The following GUF1 variants were observed in gnomAD, a reference collection of about 807,000 sequenced individuals.
GUF1 encodes the protein GTP binding elongation factor GUF1.
Under a neutral mutation model 82.4 loss-of-function variants are expected in GUF1, and 78 were observed. The ratio of observed to expected loss-of-function variants is 0.95; its 90% CI spans 0.79 to 1.14. The LOEUF is 1.14. Among genes scored for constraint, GUF1 ranks in the 50% most tolerant of loss-of-function variants. The pLI, the probability that GUF1 is intolerant of heterozygous loss-of-function variation, is 0.00. For synonymous variants in GUF1, 279 were observed against 282.3 expected (o/e 0.99, Z 0.12); for missense variants, 814 against 798.2 (o/e 1.02, Z -0.24).
intron 8 of GUF1, 88 bp downstream of exon 8, chr4:44,686,801 C>A: frequency 1.2e-6 from 1 of 868,078 alleles, no homozygotes. Flanking sequence ...TTAGAATGAT[C>A]CTCATTTGGT....
chr4:44,679,784 A>G lies in GUF1; in HGVS notation c.166-657A>G, dbSNP rs908078881. On this transcript the variant is annotated intron_variant, in intron 1 of 16. Transcript: ENST00000281543. Reference sequence around the variant, plus strand: ...ATTGGAAAAAAATAGAGTACAAAAAACTGGTATATTTTGCTTGATAACAAT... The same window carrying G: ...ATTGGAAAAAAATAGAGTACAAAAAGCTGGTATATTTTGCTTGATAACAAT... Among the ~76,000 whole-genome samples, 12 of 149,594 alleles carry G rather than the reference A, an allele frequency of 8.0e-5. No individual in the cohort carries two copies. In the East Asian group the frequency reaches 9.8e-4, roughly 12 times the overall value.
intron 15 of GUF1, among the ~76,000 whole-genome samples, chr4:44,696,729 T>C (rs373193613): frequency 7.9e-5 from 12 of 152,230 alleles, no homozygotes; most frequent in African/African-American, 2.7e-4. Flanking sequence ...TTCTGTGTTT[T>C]GTAAATACTG....
rs1318973625 is a variant in GUF1 at position 44,686,539 on chromosome 4, G to C, written c.764G>C (p.Arg255Thr). 6.2e-7 allele frequency: 1 copy of C among 1,611,782 alleles called. No homozygotes were observed. Among genetic ancestry groups the C allele is most frequent in the East Asian group, 2.2e-5 (1 of 44,764 alleles). The change falls in exon 8 of 17, where the codon AGA becomes ACA. Residue 255 changes from arginine (R) to threonine (T), a missense_variant. Physicochemically the swap from Arg to Thr is moderately conservative, Grantham distance 71. Transcript: ENST00000281543. ...AAAGTGCATCGCAAAAATCCTCTGAGAGCTTTGGTATTTGACTCCACCTTT... is the reference window on the plus strand; with the variant it reads ...AAAGTGCATCGCAAAAATCCTCTGACAGCTTTGGTATTTGACTCCACCTTT... ...PPKVHRKNPL[R>T]ALVFDSTFDQ...
chr4:44,688,097 A>C lies in GUF1; in HGVS notation c.1029A>C (p.Pro343=), dbSNP rs767633621. Residue 343 remains proline (P), a synonymous_variant, in exon 9 of 17, where the codon CCA becomes CCC. Coordinates refer to ENST00000281543, the MANE Select transcript of GUF1 (RefSeq NM_021927.3). The part of the protein sequence containing the change: ...IGDTLCLHKQ[P]VEPLPGFKSA... ...ATACATTATGTTTACATAAGCAACC[A>C]GTGGAGCCCTTGCCTGGGTTTAAAT... 3 of 1,612,378 alleles carry C rather than the reference A, an allele frequency of 1.9e-6. No individual in the cohort carries two copies. The Admixed American group carries it at 5.0e-5, about 27-fold the overall frequency.
At chr4:44,694,630 C>G (rs763119358) in intron 14 of GUF1, 117 bp downstream of exon 14, 1 of 637,800 alleles carries the variant, frequency 1.6e-6, no homozygotes, top group Non-Finnish European at 2.7e-6. Flanking sequence ...ATAGAGTTCA[C>G]CCTACTAACT....
Position 44,690,870 on chromosome 4 carries a change from T to C in GUF1, c.1479+10T>C. ...AATGATGCTTTGCGAGGTATAACTATAATACAATTTAATACAAAATTAGGT... is the reference window on the plus strand; with the variant it reads ...AATGATGCTTTGCGAGGTATAACTACAATACAATTTAATACAAAATTAGGT... On this transcript the variant is annotated intron_variant, in intron 12 of 16. Transcript: ENST00000281543. 2 of 1,557,006 alleles carry C rather than the reference T, an allele frequency of 1.3e-6. No individual in the cohort carries two copies. Among genetic ancestry groups the C allele is most frequent in the South Asian group, 2.4e-5 (2 of 82,714 alleles).
In GUF1 at chr4:44,699,577, G is replaced by GC. The variant is rs1225200852; in HGVS notation, c.*900dup. On this transcript the variant is annotated 3_prime_UTR_variant, in exon 17 of 17. Coordinates refer to ENST00000281543, the MANE Select transcript of GUF1 (RefSeq NM_021927.3). Reference sequence around the variant, plus strand: ...AGTTTTTCTTTACGGACACTAAAAGGCCCCATACTTAAGATTCCATCTACT... The same window carrying GC: ...AGTTTTTCTTTACGGACACTAAAAGGCCCCCATACTTAAGATTCCATCTACT... The GC allele has an allele frequency of 1.3e-5, 2 of 152,044 alleles. No individual in the cohort carries two copies. The highest frequency in any genetic ancestry group is 2.9e-5 in the Non-Finnish European group (2 of 68,002). 9.4% of individuals were successfully genotyped at this position (152,044 alleles called of 1,614,324 possible).
intron 12 of GUF1, 87 bp from the exon 13 acceptor site, chr4:44,691,579 G>A (rs900391552): frequency 5.9e-6 from 6 of 1,019,162 alleles, no homozygotes; most frequent in South Asian, 1.5e-5. Flanking sequence ...CTGCCTATAA[G>A]TTTTTACTAG....
intron 15 of GUF1, 48 bp downstream of exon 15, chr4:44,695,782 T>C (rs200297828): frequency 4.9e-5 from 78 of 1,576,170 alleles, no homozygotes; most frequent in Non-Finnish European, 2.8e-5. Context: ...AGAAATGATA[T>C]ACCTAAAAAG....
intron 16 of GUF1, 75 bp from the exon 17 acceptor site, chr4:44,698,468 AC>A: frequency 8.8e-7 from 1 of 1,137,844 alleles, no homozygotes; most frequent in Non-Finnish European, 1.3e-6. Flanking sequence ...TTAAGGTTGT[AC>A]TGATGCCGCT....
Position 44,678,838 on chromosome 4 carries a change from C to T in GUF1, c.165+51C>T, listed in dbSNP as rs540243430. The T allele has an allele frequency of 1.1e-5, 16 of 1,506,362 alleles. No individual in the cohort carries two copies. The African/African-American group carries it at 1.9e-4, about 18-fold the overall frequency. 93.3% of individuals were successfully genotyped at this position (1,506,362 alleles called of 1,614,324 possible). Reference sequence around the variant, plus strand: ...AGCCAAGTTTTCAAACGTTGGAGTGCCCCATGCGATCTTGGACATGTATAG... The same window carrying T: ...AGCCAAGTTTTCAAACGTTGGAGTGTCCCATGCGATCTTGGACATGTATAG... On this transcript the variant is annotated intron_variant, in intron 1 of 16. Coordinates refer to ENST00000281543, the MANE Select transcript of GUF1 (RefSeq NM_021927.3).
chr4:44,688,152 G>C lies in GUF1; in HGVS notation c.1078+6G>C, dbSNP rs1715185403. 6.2e-7 allele frequency: 1 copy of C among 1,604,774 alleles called. No individual in the cohort carries two copies. Among genetic ancestry groups the C allele is most frequent in the South Asian group, 1.1e-5 (1 of 89,374 alleles). On this transcript the variant is annotated splice_donor_region_variant and intron_variant, in intron 9 of 16. Transcript: ENST00000281543. Reference sequence around the variant, plus strand: ...GAAACCAATGGTATTTGCAGGTGAGGAGTTCACAAATTCAAAGGTTGAGGG... The same window carrying C: ...GAAACCAATGGTATTTGCAGGTGAGCAGTTCACAAATTCAAAGGTTGAGGG...
In GUF1 at chr4:44,688,017, C is replaced by T; in HGVS notation, c.949C>T (p.Gln317Ter). The T allele has an allele frequency of 6.2e-7, 1 of 1,611,488 alleles. No individual in the cohort carries two copies. The change falls in exon 9 of 17, where the codon CAG becomes TAG. Residue 317 changes from glutamine (Q) to a stop codon, truncating the protein, a stop_gained. Transcript: ENST00000281543. LOFTEE classifies it high-confidence loss of function. ...AATAATTTTATTTAGATATGCAGGA[C>T]AGGTGGGCTATCTGATTGCTGGGAT... ...EQPTHKLYAG[Q>*]VGYLIAGMKD... is the part of the protein sequence containing the mutation.
intron 16 of GUF1, among the ~76,000 whole-genome samples, 192 bp from the exon 17 acceptor site, chr4:44,698,352 C>G (rs1326091268): frequency 6.6e-6 from 1 of 151,976 alleles, no homozygotes; most frequent in Non-Finnish European, 1.5e-5. Flanking sequence ...ATCTTCACCT[C>G]CATCCAGATT....
In GUF1 at chr4:44,680,532, A is replaced by G; in HGVS notation, c.257A>G (p.Asp86Gly). ...GATCATGGCAAAAGTACTTTAGCTGACAGGCTCCTAGAACTTACAGGTATT... is the reference window on the plus strand; with the variant it reads ...GATCATGGCAAAAGTACTTTAGCTGGCAGGCTCCTAGAACTTACAGGTATT... ...HVDHGKSTLA[D>G]RLLELTGTID... Residue 86 changes from aspartate to glycine, a missense_variant, in exon 2 of 17, where the codon GAC becomes GGC. Coordinates refer to ENST00000281543, the MANE Select transcript of GUF1 (RefSeq NM_021927.3). The G allele has an allele frequency of 6.2e-7, 1 of 1,606,116 alleles. No individual in the cohort carries two copies. The highest frequency in any genetic ancestry group is 1.7e-4 in the Middle Eastern group (1 of 6,034).
chr4:44,684,016 C>G (rs1714914828), intron 6 of GUF1, among the ~76,000 whole-genome samples: 1 of 151,950 alleles, frequency 6.6e-6, no homozygotes, highest in African/African-American at 2.4e-5. Flanking sequence ...TGATTTTAAT[C>G]TTAATAAAAT....
intron 13 of GUF1, among the ~76,000 whole-genome samples, chr4:44,692,405 T>G (rs893029827): frequency 6.6e-6 from 1 of 151,290 alleles, no homozygotes; most frequent in Non-Finnish European, 1.5e-5. Flanking sequence ...GAGAGGCTGT[T>G]TTTTGTTGTT....
In GUF1 at chr4:44,694,408, T is replaced by C; in HGVS notation, c.1614-4T>C. On this transcript the variant is annotated splice_polypyrimidine_tract_variant and splice_region_variant and intron_variant, in intron 13 of 16. Coordinates refer to ENST00000281543, the MANE Select transcript of GUF1 (RefSeq NM_021927.3). ...ATTTATCACTTGGACTTTTTTCCTT[T>C]TAGTTTTGATTACGAAGATGCAGGC... is the stretch of plus-strand genomic sequence containing the variant. The C allele has an allele frequency of 6.3e-7, 1 of 1,593,570 alleles. No homozygotes were observed. Among genetic ancestry groups the C allele is most frequent in the Non-Finnish European group, 8.6e-7 (1 of 1,162,180 alleles).
chr4:44,685,126 A>G (rs1714975747), intron 6 of GUF1, among the ~76,000 whole-genome samples: 2 of 152,164 alleles, frequency 1.3e-5, no homozygotes, highest in Admixed American at 6.6e-5. Context: ...AGTATATTCA[A>G]TAGTTACAAG....
Sources: allele counts gnomAD v4.1 joint callset (sites outside exome capture counted in the v4.1 genomes callset), GRCh38; gene constraint gnomAD v4.1.1; transcripts MANE v1.5; gene names NCBI Gene and HGNC (gene_info 2026-07-23, HGNC 2026-07-21).